TMEM116: variants seen among roughly 807,000 people sequenced by gnomAD.
TMEM116 encodes the protein transmembrane protein 116.
TMEM116 carries 38 observed loss-of-function variants against 44.3 expected under a neutral mutation model. The observed-to-expected ratio is 0.86, with a 90% CI of 0.66 to 1.12. The LOEUF is 1.12. Ranked by LOEUF, TMEM116 falls within the 50% of genes most tolerant of loss-of-function variation. The pLI, the probability that TMEM116 is intolerant of heterozygous loss-of-function variation, is 0.00. For missense variants in TMEM116, 354 were observed against 401.7 expected, an observed-to-expected ratio of 0.88 and a Z score of 1.01; for synonymous variants, 132 against 144.8, an observed-to-expected ratio of 0.91 and a Z score of 0.64.
intron 4 of TMEM116, among the ~76,000 whole-genome samples, chr12:111,947,115 TAATTA>T (rs905227943): frequency 1.3e-5 from 2 of 152,032 alleles, no homozygotes; most frequent in African/African-American, 2.4e-5. Context: ...ATTGGGTTTT[TAATTA>T]AAGTGTTAAA....
intron 4 of TMEM116, among the ~76,000 whole-genome samples, chr12:111,945,831 T>C (rs957007968): frequency 1.8e-4 from 27 of 152,226 alleles, no homozygotes; most frequent in African/African-American, 5.5e-4. Flanking sequence ...GAGATATGCA[T>C]TCAGTAGAAA....
chr12:111,991,517 T>G (rs1173223466), intron 4 of TMEM116, among the ~76,000 whole-genome samples: 1 of 142,030 alleles, frequency 7.0e-6, no homozygotes, highest in Non-Finnish European at 1.5e-5. Flanking sequence ...ACCAAGTCTC[T>G]GTCTCAGAAA....
chr12:111,941,563 C>T lies in TMEM116; in HGVS notation c.315+1702G>A, dbSNP rs183719585. Among the ~76,000 whole-genome samples the T allele has an allele frequency of 1.5e-4, 23 of 152,126 alleles. No homozygotes were observed. The East Asian group carries it at 3.3e-3, about 22-fold the overall frequency. The stretch of plus-strand genomic sequence containing the variant: ...TCACACTAGCCACATTATAAGTTTT[C>T]GGTATCCACATATAGCTAGTAGCTA... On this transcript the variant is annotated intron_variant, in intron 5 of 10. Coordinates refer to ENST00000552374, the MANE Select transcript of TMEM116 (RefSeq NM_001193531.2).
chr12:111,982,875 C>G (rs1472357321), intron 4 of TMEM116, among the ~76,000 whole-genome samples: 1 of 152,154 alleles, frequency 6.6e-6, no homozygotes, highest in African/African-American at 2.4e-5. Flanking sequence ...AAAGGTTTTT[C>G]TTTGTTTGTT....
intron 4 of TMEM116, among the ~76,000 whole-genome samples, chr12:111,959,838 A>G (rs935117153): frequency 6.6e-6 from 1 of 152,222 alleles, no homozygotes; most frequent in African/African-American, 2.4e-5. Flanking sequence ...CCAATACAGG[A>G]GCACCCAGAC....
At position 112,008,242 on chromosome 12, in the gene TMEM116, G is replaced by A. The variant is rs373099032; in HGVS notation, c.-33-2939C>T. On this transcript the variant is annotated intron_variant, in intron 1 of 10. Transcript: ENST00000552374. ...TCACACCTGTAATCCCAACACTTTC[G>A]GAGGCCGAGGCGTGTGGATCACAAG... Among the ~76,000 whole-genome samples the A allele has an allele frequency of 2.4e-4, 37 of 152,256 alleles. 1 individual carries two copies. In the East Asian group the frequency reaches 6.2e-3, roughly 25 times the overall value.
intron 3 of TMEM116, among the ~76,000 whole-genome samples, chr12:111,997,482 G>T (rs922630076): frequency 1.3e-5 from 2 of 152,082 alleles, no homozygotes; most frequent in African/African-American, 4.8e-5. Flanking sequence ...GATTGCTTGG[G>T]CCTAGCAGTT....
chr12:112,008,434 CAT>C, intron 1 of TMEM116, among the ~76,000 whole-genome samples: 1 of 151,290 alleles, frequency 6.6e-6, no homozygotes, highest in Admixed American at 6.6e-5. Flanking sequence ...GAGCCAAGAT[CAT>C]GCCACTGCAC....
intron 4 of TMEM116, among the ~76,000 whole-genome samples, chr12:111,979,724 C>A (rs989994004): frequency 6.6e-6 from 1 of 152,126 alleles, no homozygotes; most frequent in African/African-American, 2.4e-5. Flanking sequence ...AATACATTGA[C>A]TGAGGAACTG....
chr12:111,982,549 C>T (rs1184748817), intron 4 of TMEM116, among the ~76,000 whole-genome samples: 1 of 152,100 alleles, frequency 6.6e-6, no homozygotes, highest in African/African-American at 2.4e-5. Flanking sequence ...AATCTGCCCT[C>T]GTTGGCCTCC....
In TMEM116 at chr12:111,943,126, C is replaced by T. The variant is rs1593306148; in HGVS notation, c.315+139G>A. On this transcript the variant is annotated intron_variant, in intron 5 of 10. Transcript: ENST00000552374. ...TTTTTGTAGAGATGGGCTTTCACCA[C>T]TTGCCCAGACTGGCCTCGAATTCCT... The T allele has an allele frequency of 4.3e-6, 3 of 697,870 alleles. No homozygotes were observed. The East Asian group carries it at 7.6e-5, about 18-fold the overall frequency. The allele number at this position is 697,870 out of a possible 1,614,324, so 43.2% of individuals were successfully genotyped here.
chr12:112,005,099 T>C (rs967295753), intron 2 of TMEM116, among the ~76,000 whole-genome samples, 158 bp downstream of exon 2: 2 of 152,268 alleles, frequency 1.3e-5, no homozygotes, highest in Non-Finnish European at 2.9e-5. Context: ...TTGTTAATGT[T>C]GTCACTTTAT....
intron 4 of TMEM116, among the ~76,000 whole-genome samples, chr12:111,971,708 A>T (rs1348472123): frequency 6.6e-6 from 1 of 152,162 alleles, no homozygotes; most frequent in African/African-American, 2.4e-5. Flanking sequence ...AGATTGTCAG[A>T]CTGGAATAGT....
intron 5 of TMEM116, among the ~76,000 whole-genome samples, chr12:111,938,595 G>T (rs1280264468): frequency 6.6e-6 from 1 of 152,158 alleles, no homozygotes; most frequent in Non-Finnish European, 1.5e-5. Context: ...ACCCAGAGAT[G>T]TGTGGACTTC....
intron 5 of TMEM116, among the ~76,000 whole-genome samples, chr12:111,942,497 C>A (rs2072920888): frequency 6.6e-6 from 1 of 152,146 alleles, no homozygotes; most frequent in African/African-American, 2.4e-5. Context: ...TGGTGTCAAT[C>A]TCCTGACCTC....
chr12:111,987,642 A>T, intron 4 of TMEM116, among the ~76,000 whole-genome samples: 1 of 152,294 alleles, frequency 6.6e-6, no homozygotes, highest in Non-Finnish European at 1.5e-5. Flanking sequence ...GCACAATGAG[A>T]TACCACTTTA....
chr12:111,935,026 C>A (rs2072016402), intron 8 of TMEM116: 1 of 152,204 alleles, frequency 6.6e-6, no homozygotes, highest in Non-Finnish European at 1.5e-5. Context: ...CTTTTCCCTA[C>A]ATAAGCATCA....
intron 1 of TMEM116, among the ~76,000 whole-genome samples, chr12:112,007,317 T>C (rs1450743180): frequency 2.0e-5 from 3 of 152,018 alleles, no homozygotes; most frequent in Admixed American, 2.0e-4. Flanking sequence ...GGGAGGCTGA[T>C]GCATGAGAAT....
intron 3 of TMEM116, among the ~76,000 whole-genome samples, chr12:112,003,368 A>C (rs968027235): frequency 1.3e-5 from 2 of 152,198 alleles, no homozygotes; most frequent in African/African-American, 2.4e-5. Context: ...GGAGATCGAG[A>C]CCATCCTGGC....
Sources: allele counts gnomAD v4.1 joint callset (sites outside exome capture counted in the v4.1 genomes callset), GRCh38; gene constraint gnomAD v4.1.1; transcripts MANE v1.5; gene names NCBI Gene and HGNC (gene_info 2026-07-23, HGNC 2026-07-21).